ADAMTS18: variants seen among roughly 807,000 people sequenced by gnomAD.
ADAMTS18 encodes A disintegrin and metalloproteinase with thrombospondin motifs 18.
A neutral mutation model predicts 165.9 loss-of-function variants in ADAMTS18; 157 were observed. The observed-to-expected ratio is 0.95, with a 90% CI of 0.83 to 1.08. The LOEUF (loss-of-function observed/expected upper bound fraction) is 1.08, where lower values mean the gene tolerates loss of function less well. Among genes scored for constraint, ADAMTS18 ranks in the 50% least tolerant of loss-of-function variants. The pLI is 0.00. For synonymous variants in ADAMTS18, 782 were observed against 578.2 expected (o/e 1.35, Z -5.06); for missense variants, 2,040 against 1,534.0 (o/e 1.33, Z -5.51).
chr16:77,405,948 C>T (rs2057388226), intron 3 of ADAMTS18, among the ~76,000 whole-genome samples: 1 of 151,924 alleles, frequency 6.6e-6, no homozygotes. Flanking sequence ...ATCTAATAAT[C>T]TATGTAAGAA....
rs754575542 is a variant in ADAMTS18 at position 77,284,022 on chromosome 16, C to G, written c.3600G>C (p.Gln1200His). 1 of 1,613,964 alleles carries G rather than the reference C, an allele frequency of 6.2e-7. No homozygotes were observed. Among genetic ancestry groups the G allele is most frequent in the South Asian group, 1.1e-5 (1 of 91,068 alleles). Residue 1200 changes from glutamine (Q) to histidine (H), a missense_variant, in exon 23 of 23, where the codon CAG (glutamine) becomes CAC (histidine). Physicochemically the swap from Gln to His is conservative, Grantham distance 24. Transcript: ENST00000282849. The part of the protein sequence containing the change: ...DFFNWCHLVP[Q>H]HGVCNHKFYG... ...AAAACTTGTGGTTGCAGACACCATGCTGAGGAACTAGGTGACACCAGTTGA... is the reference window on the plus strand; with the variant it reads ...AAAACTTGTGGTTGCAGACACCATGGTGAGGAACTAGGTGACACCAGTTGA...
intron 16 of ADAMTS18, among the ~76,000 whole-genome samples, chr16:77,308,672 A>C (rs10514413): frequency 0.05 from 7,609 of 152,238 alleles, 490 homozygotes; most frequent in East Asian, 0.32. Context: ...TATTGCTTAA[A>C]CAAAGGACAA....
intron 16 of ADAMTS18, among the ~76,000 whole-genome samples, chr16:77,314,885 T>C (rs2055859560): frequency 6.9e-6 from 1 of 145,678 alleles, no homozygotes; most frequent in African/African-American, 2.6e-5. Flanking sequence ...TCAGTTATCC[T>C]CATCATGGCC....
At chr16:77,287,053 G>A (rs1030803654) in intron 22 of ADAMTS18, among the ~76,000 whole-genome samples, 1 of 152,104 alleles carries the variant, frequency 6.6e-6, no homozygotes, top group Admixed American at 6.5e-5. Context: ...TGGATGACAG[G>A]AGGATGCAGC....
At chr16:77,408,500 G>C (rs2057420196) in intron 3 of ADAMTS18, among the ~76,000 whole-genome samples, 1 of 152,144 alleles carries the variant, frequency 6.6e-6, no homozygotes. Context: ...TTCATGAGGT[G>C]AGATACTTTG....
intron 2 of ADAMTS18, among the ~76,000 whole-genome samples, chr16:77,433,152 T>C (rs187278151): frequency 2.4e-3 from 373 of 152,340 alleles, no homozygotes; most frequent in Non-Finnish European, 3.7e-3. Context: ...GTGCAATTTC[T>C]TAGAGAAAGT....
intron 3 of ADAMTS18, among the ~76,000 whole-genome samples, chr16:77,387,851 A>C (rs2057130830): frequency 6.6e-6 from 1 of 152,292 alleles, no homozygotes; most frequent in East Asian, 1.9e-4. Context: ...TTTTTAACTG[A>C]TGACTCCTGC....
intron 10 of ADAMTS18, among the ~76,000 whole-genome samples, chr16:77,351,395 G>C (rs563823214): frequency 6.6e-6 from 1 of 152,208 alleles, no homozygotes; most frequent in Non-Finnish European, 1.5e-5. Flanking sequence ...TAAAAATATA[G>C]TGAGGTCCCA....
intron 22 of ADAMTS18, among the ~76,000 whole-genome samples, chr16:77,286,704 G>C (rs1324006191): frequency 1.3e-5 from 2 of 152,170 alleles, no homozygotes; most frequent in South Asian, 2.1e-4. Context: ...GGGATTCCAT[G>C]AGGAGCAGCT....
At chr16:77,333,954 A>G (rs36144899) in intron 12 of ADAMTS18, among the ~76,000 whole-genome samples, 7,135 of 141,848 alleles carry the variant, frequency 0.05, 481 homozygotes, top group African/African-American at 0.15. Flanking sequence ...AGTGTCATAT[A>G]TACTATATAT....
At chr16:77,341,900 A>C in intron 10 of ADAMTS18, 101 bp from the exon 11 acceptor site, 1 of 929,518 alleles carries the variant, frequency 1.1e-6, no homozygotes, top group Non-Finnish European at 1.7e-6. Flanking sequence ...GGGTAGCTGA[A>C]ATCAGAGCAA....
At position 77,363,819 on chromosome 16, in the gene ADAMTS18, G is replaced by A. The variant is rs113981106; in HGVS notation, c.1039C>T (p.Leu347Phe). ...DINVVVVSLILLEQEPGGLLI... is the reference protein window; with the variant it reads ...DINVVVVSLIFLEQEPGGLLI... ...CCACTTACAGGTTCTTGTTCCAGAA[G>A]AATTAGGCTCACCACAACCACGTTT... Residue 347 changes from leucine to phenylalanine, a missense_variant, in exon 6 of 23, where the codon CTT becomes TTT. Coordinates refer to ENST00000282849, the MANE Select transcript of ADAMTS18 (RefSeq NM_199355.4). 1.4e-5 allele frequency: 22 copies of A among 1,613,832 alleles called. No individual in the cohort carries two copies. In the South Asian group the frequency reaches 2.4e-4, roughly 18 times the overall value.
intron 3 of ADAMTS18, among the ~76,000 whole-genome samples, chr16:77,393,036 G>T (rs565605038): frequency 6.6e-6 from 1 of 152,254 alleles, no homozygotes; most frequent in South Asian, 2.1e-4. Context: ...ACCATCAAAG[G>T]GTTAATGCGC....
rs980846659 is a variant in ADAMTS18 at position 77,342,311 on chromosome 16, T to C, written c.1615-512A>G. ...AAATGAGGAACTACATGTAAAGTGA[T>C]GGTTTTGCCTGGCACATGCAGTTCT... On this transcript the variant is annotated intron_variant, in intron 10 of 22. Coordinates refer to ENST00000282849, the MANE Select transcript of ADAMTS18 (RefSeq NM_199355.4). 3.3e-5 allele frequency among the ~76,000 whole-genome samples: 5 copies of C among 152,234 alleles called. No homozygotes were observed. The South Asian group carries it at 6.2e-4, about 19-fold the overall frequency.
chr16:77,392,465 C>A (rs917644971), intron 3 of ADAMTS18, among the ~76,000 whole-genome samples: 4 of 152,206 alleles, frequency 2.6e-5, no homozygotes, highest in African/African-American at 9.6e-5. Flanking sequence ...TCATTTCCTC[C>A]TACACGTGTC....
intron 16 of ADAMTS18, among the ~76,000 whole-genome samples, chr16:77,307,247 G>A (rs140114778): frequency 6.6e-6 from 1 of 152,234 alleles, no homozygotes; most frequent in Non-Finnish European, 1.5e-5. Context: ...ATGGTTTTGT[G>A]GTGTGGATTC....
intron 3 of ADAMTS18, among the ~76,000 whole-genome samples, chr16:77,398,334 C>T (rs1454213788): frequency 1.3e-5 from 2 of 151,610 alleles, no homozygotes; most frequent in African/African-American, 2.4e-5. Flanking sequence ...ACAACAACAA[C>T]AACAACAACA....
chr16:77,293,659 T>C (rs1323130260), intron 19 of ADAMTS18, among the ~76,000 whole-genome samples: 2 of 151,554 alleles, frequency 1.3e-5, no homozygotes, highest in Non-Finnish European at 2.9e-5. Flanking sequence ...CAGGGTCGGC[T>C]TTTGCAGAAC....
chr16:77,360,590 A>G (rs1018316622), intron 7 of ADAMTS18, among the ~76,000 whole-genome samples: 23 of 132,426 alleles, frequency 1.7e-4, no homozygotes, highest in Non-Finnish European at 2.5e-4. Context: ...AAAACAATGC[A>G]CTGGATTATC....
Sources: gnomAD v4.1 joint callset for allele counts (sites outside exome capture counted in the v4.1 genomes callset) on GRCh38, gnomAD v4.1.1 for gene constraint, MANE v1.5 for transcripts, NCBI Gene and HGNC (gene_info 2026-07-23, HGNC 2026-07-21) for gene names.